Variants in CELF2 observed in about 807,000 individuals in gnomAD.
CELF2 encodes the protein CUG triplet repeat RNA-binding protein 2.
Under a neutral mutation model 62.6 loss-of-function variants are expected in CELF2, and 8 were observed. The observed-to-expected ratio is 0.13, with a 90% CI of 0.07 to 0.23. The LOEUF is 0.23. CELF2 is among the 10% of genes least tolerant of loss of function. The pLI, the probability that CELF2 is intolerant of heterozygous loss-of-function variation, is 1.00. For synonymous variants in CELF2, 258 were observed against 250.0 expected (o/e 1.03, Z -0.30); for missense variants, 333 against 671.0 (o/e 0.50, Z 5.56).
At chr10:10,759,367 T>A in the CELF2 span, among the ~76,000 whole-genome samples, 32 of 144,006 alleles carry the variant, frequency 2.2e-4, no homozygotes, top group South Asian at 1.1e-3. Flanking sequence ...TGGAGCACAG[T>A]GGCGTGATCT....
At chr10:11,127,435 T>C (rs2058895337) in intron 1 of CELF2, among the ~76,000 whole-genome samples, 2 of 152,198 alleles carry the variant, frequency 1.3e-5, no homozygotes, top group Admixed American at 1.3e-4. Flanking sequence ...AGTCAAATGG[T>C]ATTTCTAGTT....
chr10:10,560,445 G>T, the CELF2 span, among the ~76,000 whole-genome samples: 1 of 152,228 alleles, frequency 6.6e-6, no homozygotes, highest in South Asian at 2.1e-4. Flanking sequence ...CTTTAGTCCA[G>T]CTTTCTACCT....
At chr10:10,760,137 C>T in the CELF2 span, among the ~76,000 whole-genome samples, 3 of 152,198 alleles carry the variant, frequency 2.0e-5, no homozygotes, top group African/African-American at 7.2e-5. Flanking sequence ...CTCCTGACCT[C>T]AGGTGATCCA....
At chr10:10,842,390 C>T (rs972172756) in intron 1 of CELF2, among the ~76,000 whole-genome samples, 5 of 151,966 alleles carry the variant, frequency 3.3e-5, no homozygotes, top group African/African-American at 1.2e-4. Context: ...GAAAATTGTT[C>T]AGGATCTCAC....
the CELF2 span, among the ~76,000 whole-genome samples, chr10:10,493,371 C>A: frequency 3.3e-5 from 5 of 151,718 alleles, no homozygotes; most frequent in Non-Finnish European, 7.4e-5. Flanking sequence ...GACGGTTCCA[C>A]AAAGGTATTA....
At chr10:10,649,458 GA>G in the CELF2 span, among the ~76,000 whole-genome samples, 4 of 151,910 alleles carry the variant, frequency 2.6e-5, no homozygotes, top group African/African-American at 4.8e-5. Flanking sequence ...CCTCTGGGGG[GA>G]AAAAATGGGT....
At chr10:10,597,675 T>A in the CELF2 span, among the ~76,000 whole-genome samples, 3 of 152,244 alleles carry the variant, frequency 2.0e-5, no homozygotes, top group Non-Finnish European at 4.4e-5. Context: ...ATGGTAAGAT[T>A]GGACACATGA....
chr10:10,505,051 C>T, the CELF2 span, among the ~76,000 whole-genome samples: 914 of 152,110 alleles, frequency 6.0e-3, 4 homozygotes, highest in Middle Eastern at 0.017. Flanking sequence ...TTGATTTTTT[C>T]CATTCATTTT....
chr10:11,089,064 G>A (rs189630471), intron 1 of CELF2, among the ~76,000 whole-genome samples: 1 of 152,262 alleles, frequency 6.6e-6, no homozygotes. Context: ...AGTCTTTTCA[G>A]CCTAGCCTCA....
At chr10:10,749,171 C>T in the CELF2 span, among the ~76,000 whole-genome samples, 1 of 152,022 alleles carries the variant, frequency 6.6e-6, no homozygotes, top group Non-Finnish European at 1.5e-5. Context: ...TCTAGAAATG[C>T]TTATTTAATG....
rs1400853629 is a variant in CELF2, at chr10:11,260,325, ACT to A, written c.538+2458_538+2459del. 1.3e-5 allele frequency among the ~76,000 whole-genome samples: 2 copies of A among 152,064 alleles called. No individual in the cohort carries two copies. The highest frequency in any genetic ancestry group is 1.3e-4 in the Admixed American group (2 of 15,268). ...GCTGGCCTGGCTGATCTAGGCAGTG[ACT>A]CTCTGGCACATTTTCTCTGTCTGTC... On this transcript the variant is annotated intron_variant, in intron 5 of 12. Coordinates refer to ENST00000633077, the MANE Select transcript of CELF2 (RefSeq NM_001326342.2). This position sits in a 1 kb window ranked among gnomAD's most constrained non-coding sequence, Gnocchi z 4.2.
chr10:10,646,494 A>T, the CELF2 span, among the ~76,000 whole-genome samples: 2 of 152,214 alleles, frequency 1.3e-5, no homozygotes, highest in African/African-American at 2.4e-5. Context: ...TCACTGCTTA[A>T]CCAAGTCTCA....
chr10:10,557,478 G>A, the CELF2 span, among the ~76,000 whole-genome samples: 2 of 138,844 alleles, frequency 1.4e-5, no homozygotes, highest in South Asian at 2.5e-4. Context: ...GATGCCTCCA[G>A]CTTTGTTCTT....
chr10:10,499,573 A>C, the CELF2 span, among the ~76,000 whole-genome samples: 3 of 152,008 alleles, frequency 2.0e-5, no homozygotes, highest in East Asian at 5.8e-4. Context: ...ACAAGCTGGG[A>C]TGATGTGCAG....
rs550851941 is a variant in CELF2 at position 10,972,249 on chromosome 10, A to G, written c.89+52250A>G. 7.7e-4 allele frequency among the ~76,000 whole-genome samples: 117 copies of G among 152,356 alleles called. 2 individuals are homozygous for G. Among genetic ancestry groups the G allele is most frequent in the Non-Finnish European group, 1.4e-3 (98 of 68,036 alleles). The stretch of plus-strand genomic sequence containing the variant: ...AGAACACAACTTTTGAAGGATATGA[A>G]TAGGTTTTATAGAAAATGAAGAGTT... On this transcript the variant is annotated intron_variant, in intron 2 of 13. Transcript: ENST00000636488. This position sits in a 1 kb window ranked among gnomAD's most constrained non-coding sequence, Gnocchi z 4.4.
At position 11,176,914 on chromosome 10, in the gene CELF2, C is replaced by T. The variant is rs539256578; in HGVS notation, c.271+11232C>T. Among the ~76,000 whole-genome samples the T allele has an allele frequency of 1.1e-4, 16 of 152,258 alleles. No homozygotes were observed. In the South Asian group the frequency reaches 2.7e-3, roughly 26 times the overall value. On this transcript the variant is annotated intron_variant, in intron 2 of 12. Coordinates refer to ENST00000633077, the MANE Select transcript of CELF2 (RefSeq NM_001326342.2). ...TTAGCGTTAGAGTGGTGTTCTGTGGCCAGTGGAGGAGGAAGCTTGCTCACT... is the reference window on the plus strand; with the variant it reads ...TTAGCGTTAGAGTGGTGTTCTGTGGTCAGTGGAGGAGGAAGCTTGCTCACT...
chr10:11,202,861 G>C (rs2059524136), intron 2 of CELF2, among the ~76,000 whole-genome samples: 1 of 150,590 alleles, frequency 6.6e-6, no homozygotes, highest in Admixed American at 6.6e-5. Context: ...GCTCCTTGCA[G>C]AGTGGTCTAC....
intron 1 of CELF2, among the ~76,000 whole-genome samples, chr10:11,067,990 G>T (rs1291852): frequency 0.32 from 49,108 of 152,076 alleles, 8,606 homozygotes; most frequent in African/African-American, 0.43. Context: ...GTAGGGGATG[G>T]GGGGAGGATG....
chr10:11,045,626 T>G (rs1593930191), intron 1 of CELF2, among the ~76,000 whole-genome samples: 1 of 152,178 alleles, frequency 6.6e-6, no homozygotes, highest in Non-Finnish European at 1.5e-5. Context: ...GAAATATTCT[T>G]TGGCAAAGGG....
Sources: allele counts gnomAD v4.1 joint callset (sites outside exome capture counted in the v4.1 genomes callset), GRCh38; gene constraint gnomAD v4.1.1; non-coding constraint Gnocchi (gnomAD v3.1); transcripts MANE v1.5; gene names NCBI Gene and HGNC (gene_info 2026-07-23, HGNC 2026-07-21).